Variants in ROBO1 observed in about 807,000 individuals in gnomAD.
ROBO1 encodes roundabout homolog 1.
ROBO1 carries 149 observed loss-of-function variants against 195.9 expected under a neutral mutation model. The ratio of observed to expected loss-of-function variants is 0.76; its 90% confidence interval spans 0.67 to 0.87. ROBO1 has a LOEUF of 0.87. Ranked by LOEUF, ROBO1 falls within the 40% of genes least tolerant of loss-of-function variation. ROBO1 has a pLI of 0.00. For synonymous variants in ROBO1, 816 were observed against 733.2 expected (o/e 1.11, Z -1.82); for missense variants, 1,933 against 2,068.3 (o/e 0.93, Z 1.27).
At chr3:78,870,315 T>C (rs940944125) in intron 4 of ROBO1, among the ~76,000 whole-genome samples, 9 of 152,142 alleles carry the variant, frequency 5.9e-5, no homozygotes, top group African/African-American at 2.2e-4. Context: ...GTTGCTGATA[T>C]TAGGGTTTGT....
chr3:78,964,235 T>G (rs912486728), intron 3 of ROBO1, among the ~76,000 whole-genome samples: 7 of 152,280 alleles, frequency 4.6e-5, no homozygotes, highest in Non-Finnish European at 1.5e-5. Context: ...TCACCTTATC[T>G]CTAGCATTTG....
chr3:79,226,164 T>C (rs1271653978), intron 2 of ROBO1, among the ~76,000 whole-genome samples: 1 of 152,184 alleles, frequency 6.6e-6, no homozygotes, highest in Non-Finnish European at 1.5e-5. Flanking sequence ...TCCTGGCCCA[T>C]CATTTTAATA....
chr3:78,685,102 A>G (rs1324323415), intron 10 of ROBO1, among the ~76,000 whole-genome samples: 1 of 152,130 alleles, frequency 6.6e-6, no homozygotes, highest in Non-Finnish European at 1.5e-5. Flanking sequence ...ATACATGTAT[A>G]TATATTTATA....
At chr3:78,702,895 T>A (rs1346733890) in intron 8 of ROBO1, among the ~76,000 whole-genome samples, 2 of 152,196 alleles carry the variant, frequency 1.3e-5, no homozygotes, top group East Asian at 1.9e-4. Context: ...ATCTTATGTA[T>A]CAATTATTTC....
chr3:79,326,738 T>A (rs1489354369), intron 2 of ROBO1, among the ~76,000 whole-genome samples: 1 of 152,222 alleles, frequency 6.6e-6, no homozygotes, highest in Non-Finnish European at 1.5e-5. Context: ...GAAAAATTAT[T>A]CATTTGAAAT....
intron 1 of ROBO1, among the ~76,000 whole-genome samples, chr3:79,707,863 T>A (rs1947821123): frequency 6.6e-6 from 1 of 152,190 alleles, no homozygotes; most frequent in African/African-American, 2.4e-5. Context: ...ACCAGTAATT[T>A]ACATAAAGAA....
chr3:78,623,737 G>C (rs1704589536), intron 26 of ROBO1, among the ~76,000 whole-genome samples: 1 of 152,188 alleles, frequency 6.6e-6, no homozygotes, highest in Non-Finnish European at 1.5e-5. Context: ...AACTAGGAAA[G>C]TGCATTTATG....
At chr3:79,518,109 G>A (rs1333207264) in intron 2 of ROBO1, among the ~76,000 whole-genome samples, 2 of 152,138 alleles carry the variant, frequency 1.3e-5, no homozygotes, top group African/African-American at 2.4e-5. Flanking sequence ...ATGATTAGGA[G>A]CTGACTAGAT....
intron 2 of ROBO1, among the ~76,000 whole-genome samples, chr3:79,587,691 C>G (rs1943872740): frequency 6.6e-6 from 1 of 151,552 alleles, no homozygotes; most frequent in Admixed American, 6.6e-5. Context: ...CTGAGATATG[C>G]TCAATTCAAT....
intron 2 of ROBO1, among the ~76,000 whole-genome samples, chr3:79,508,234 C>G (rs1940513089): frequency 6.6e-6 from 1 of 151,676 alleles, no homozygotes; most frequent in African/African-American, 2.4e-5. Context: ...GCACATGTAC[C>G]CTAGAACTTA....
intron 3 of ROBO1, among the ~76,000 whole-genome samples, chr3:79,052,739 CCT>C (rs1367125274): frequency 2.0e-5 from 3 of 152,074 alleles, no homozygotes; most frequent in African/African-American, 7.2e-5. Flanking sequence ...GGCTGGTTCC[CCT>C]GACATCTGGC....
chr3:78,717,474 T>G, intron 6 of ROBO1, 61 bp from the exon 7 acceptor site: 6 of 1,420,110 alleles, frequency 4.2e-6, no homozygotes, highest in Non-Finnish European at 5.0e-6. Context: ...GAAAAACACT[T>G]TAGGAGTTCA....
At chr3:79,655,152 C>A (rs553081546) in intron 1 of ROBO1, among the ~76,000 whole-genome samples, 3 of 151,980 alleles carry the variant, frequency 2.0e-5, no homozygotes, top group African/African-American at 4.8e-5. Context: ...AATAAGTACA[C>A]TTTAACACAT....
chr3:79,014,312 A>C, intron 3 of ROBO1, among the ~76,000 whole-genome samples: 1 of 152,074 alleles, frequency 6.6e-6, no homozygotes, highest in East Asian at 1.9e-4. Flanking sequence ...TCTACTACTA[A>C]AAATACAAAA....
At chr3:79,638,460 G>A (rs888515449) in intron 1 of ROBO1, among the ~76,000 whole-genome samples, 3 of 151,934 alleles carry the variant, frequency 2.0e-5, no homozygotes, top group East Asian at 1.9e-4. Context: ...GCACGATCTC[G>A]GCTCACTGCA....
intron 1 of ROBO1, among the ~76,000 whole-genome samples, chr3:79,694,105 G>A (rs1947373112): frequency 6.6e-6 from 1 of 151,692 alleles, no homozygotes; most frequent in East Asian, 2.0e-4. Context: ...CACACACAAA[G>A]AACATTCTTC....
At chr3:78,830,896 G>T (rs924816624) in intron 4 of ROBO1, among the ~76,000 whole-genome samples, 40 of 136,128 alleles carry the variant, frequency 2.9e-4, no homozygotes, top group African/African-American at 1.3e-3. Context: ...TGTGTTTTTT[G>T]TTTGTTTGTT....
At chr3:78,799,886 T>C (rs1559868731) in intron 4 of ROBO1, among the ~76,000 whole-genome samples, 1 of 152,160 alleles carries the variant, frequency 6.6e-6, no homozygotes, top group Non-Finnish European at 1.5e-5. Flanking sequence ...AGTTTTATTT[T>C]CTGCTCAAGG....
chr3:79,582,181 G>T (rs1027421300), intron 2 of ROBO1, among the ~76,000 whole-genome samples: 2 of 151,498 alleles, frequency 1.3e-5, no homozygotes, highest in Non-Finnish European at 3.0e-5. Context: ...ACAATATTTA[G>T]AATCTAATAT....
Sources: gnomAD v4.1 joint callset for allele counts (sites outside exome capture counted in the v4.1 genomes callset) on GRCh38, gnomAD v4.1.1 for gene constraint, MANE v1.5 for transcripts, NCBI Gene and HGNC (gene_info 2026-07-23, HGNC 2026-07-21) for gene names.